EXOC6B: variants seen among roughly 807,000 people sequenced by gnomAD.
EXOC6B encodes the protein SEC15 homolog B.
EXOC6B carries 54 observed loss-of-function variants against 113.5 expected under a neutral mutation model. That is an observed-to-expected ratio of 0.48 (90% CI 0.38 to 0.60). The LOEUF is 0.60. Ranked by LOEUF, EXOC6B falls within the 20% of genes least tolerant of loss-of-function variation. The pLI is 0.00. For missense variants in EXOC6B, 797 were observed against 977.5 expected (o/e 0.82, Z 2.46); for synonymous variants, 357 against 339.0 (o/e 1.05, Z -0.58).
At position 72,177,158 on chromosome 2, in the gene EXOC6B, G is replaced by A. The variant is rs1677782358; in HGVS notation, c.*2177C>T. 6.6e-6 allele frequency: 1 copy of A among 152,176 alleles called. No individual in the cohort carries two copies. The highest frequency in any genetic ancestry group is 1.5e-5 in the Non-Finnish European group (1 of 68,036). The allele number at this position is 152,176 out of a possible 1,614,324, so 9.4% of individuals were successfully genotyped here. ...ATCTTTATGTCTTGAGCTTGAATAA[G>A]CTTTTCCTTTCATGGGACTTCTGTG... On this transcript the variant is annotated 3_prime_UTR_variant, in exon 22 of 22. Transcript: ENST00000272427.
chr2:72,186,332 C>A (rs1678433958), intron 20 of EXOC6B, among the ~76,000 whole-genome samples: 1 of 152,208 alleles, frequency 6.6e-6, no homozygotes, highest in African/African-American at 2.4e-5. Context: ...GTAGCATCAG[C>A]ATTTCTGTCC....
intron 1 of EXOC6B, among the ~76,000 whole-genome samples, chr2:72,749,555 A>G (rs902784515): frequency 5.9e-5 from 9 of 152,114 alleles, no homozygotes; most frequent in African/African-American, 2.2e-4. Context: ...AATGTTTGCC[A>G]TTAAAAAAAT....
At position 72,474,430 on chromosome 2, in the gene EXOC6B, G is replaced by A. The variant is rs145238004; in HGVS notation, c.1800+6186C>T. ...AAAATTTGGTCTCTTATGATGCCCCGTATGTAATAAAGGCTTTGCTCATTC... is the reference window on the plus strand; with the variant it reads ...AAAATTTGGTCTCTTATGATGCCCCATATGTAATAAAGGCTTTGCTCATTC... On this transcript the variant is annotated intron_variant, in intron 17 of 21. Coordinates refer to ENST00000272427, the MANE Select transcript of EXOC6B (RefSeq NM_015189.3). Among the ~76,000 whole-genome samples the A allele has an allele frequency of 2.4e-4, 37 of 151,886 alleles. No individual in the cohort carries two copies. The East Asian group carries it at 7.2e-3, about 29-fold the overall frequency.
chr2:72,705,811 G>C (rs965646204), intron 6 of EXOC6B, among the ~76,000 whole-genome samples: 2 of 152,118 alleles, frequency 1.3e-5, no homozygotes, highest in Non-Finnish European at 2.9e-5. Context: ...ACTTTTCTAT[G>C]TTTTGGGTTA....
At chr2:72,423,420 A>G (rs1037314492) in intron 18 of EXOC6B, among the ~76,000 whole-genome samples, 1 of 152,192 alleles carries the variant, frequency 6.6e-6, no homozygotes, top group African/African-American at 2.4e-5. Context: ...TGATTCATAT[A>G]TAAGATTTTA....
chr2:72,179,040 TG>T lies in EXOC6B; in HGVS notation c.*294del. The T allele has an allele frequency of 3.3e-6, 1 of 298,576 alleles. No homozygotes were observed. The highest frequency in any genetic ancestry group is 6.8e-5 in the East Asian group (1 of 14,662). The allele number at this position is 298,576 out of a possible 1,614,324, so 18.5% of individuals were successfully genotyped here. On this transcript the variant is annotated 3_prime_UTR_variant, in exon 22 of 22. Coordinates refer to ENST00000272427, the MANE Select transcript of EXOC6B (RefSeq NM_015189.3). ...GCCCCAGACCTAAGCTTTAGAGCCATGGATGAAAGGTGGTTCATCACTGTGG... is the reference window on the plus strand; with the variant it reads ...GCCCCAGACCTAAGCTTTAGAGCCATGATGAAAGGTGGTTCATCACTGTGG...
At position 72,379,850 on chromosome 2, in the gene EXOC6B, C is replaced by G; in HGVS notation, c.2001G>C (p.Ala667=). ...THLPGKVAQT[A]CMSACKHLAT... is the part of the protein sequence containing the mutation. ...CTAAATGCTTGCAAGCTGACATACA[C>G]GCTGTCTGGGCCACCTTTCCCTGAA... The change falls in exon 19 of 22, where the codon GCG becomes GCC. Residue 667 remains alanine, a synonymous_variant. Transcript: ENST00000272427. 6.2e-7 allele frequency: 1 copy of G among 1,611,516 alleles called. No homozygotes were observed. Among genetic ancestry groups the G allele is most frequent in the Non-Finnish European group, 8.5e-7 (1 of 1,178,806 alleles).
At chr2:72,211,704 T>C (rs1268435386) in intron 20 of EXOC6B, among the ~76,000 whole-genome samples, 1 of 152,200 alleles carries the variant, frequency 6.6e-6, no homozygotes, top group Non-Finnish European at 1.5e-5. Context: ...CCATGGTAAA[T>C]TTGATATGTG....
intron 1 of EXOC6B, among the ~76,000 whole-genome samples, chr2:72,768,440 C>T (rs961970003): frequency 4.0e-5 from 6 of 151,576 alleles, no homozygotes; most frequent in Non-Finnish European, 7.4e-5. Context: ...TACAGGCATG[C>T]GCTACCACCC....
At chr2:72,387,018 T>C (rs781350468) in intron 18 of EXOC6B, among the ~76,000 whole-genome samples, 5 of 152,176 alleles carry the variant, frequency 3.3e-5, no homozygotes, top group African/African-American at 4.8e-5. Context: ...AGCTATAGAT[T>C]TCTTATAGAT....
At chr2:72,480,376 G>A (rs527344745) in intron 17 of EXOC6B, among the ~76,000 whole-genome samples, 2 of 152,210 alleles carry the variant, frequency 1.3e-5, no homozygotes, top group South Asian at 4.2e-4. Context: ...AAAACATAAG[G>A]AAGGGTTTAG....
At chr2:72,794,691 AAGGAAT>A (rs1573808489) in intron 1 of EXOC6B, among the ~76,000 whole-genome samples, 1 of 152,240 alleles carries the variant, frequency 6.6e-6, no homozygotes, top group East Asian at 1.9e-4. Context: ...TGATAGAAAC[AAGGAAT>A]TCATAAACCT....
intron 6 of EXOC6B, among the ~76,000 whole-genome samples, chr2:72,662,767 G>A (rs932611116): frequency 2.0e-5 from 3 of 151,734 alleles, no homozygotes; most frequent in African/African-American, 7.3e-5. Context: ...TTGAGACGGA[G>A]TCTCACTTTC....
intron 6 of EXOC6B, among the ~76,000 whole-genome samples, chr2:72,676,139 A>AAAG (rs1362732570): frequency 2.0e-5 from 3 of 151,924 alleles, no homozygotes; most frequent in East Asian, 1.9e-4. Context: ...AAAAAAAAAA[A>AAAG]AAGAAGAAGA....
intron 20 of EXOC6B, among the ~76,000 whole-genome samples, chr2:72,321,257 C>T (rs1687827852): frequency 6.6e-6 from 1 of 152,112 alleles, no homozygotes; most frequent in African/African-American, 2.4e-5. Context: ...AACCTGTACA[C>T]AAATGTTTAT....
intron 20 of EXOC6B, among the ~76,000 whole-genome samples, chr2:72,300,376 C>T (rs1686434477): frequency 6.6e-6 from 1 of 152,204 alleles, no homozygotes; most frequent in African/African-American, 2.4e-5. Context: ...CCTACCTACA[C>T]CAAACTTGAG....
intron 6 of EXOC6B, among the ~76,000 whole-genome samples, chr2:72,655,438 A>G (rs967288444): frequency 3.3e-5 from 5 of 152,096 alleles, no homozygotes; most frequent in African/African-American, 1.2e-4. Flanking sequence ...CATTCTGAAG[A>G]GAAAAAAACA....
At chr2:72,405,160 T>A (rs1237618130) in intron 18 of EXOC6B, among the ~76,000 whole-genome samples, 3 of 151,980 alleles carry the variant, frequency 2.0e-5, no homozygotes, top group African/African-American at 7.3e-5. Flanking sequence ...GAAAAAAGAA[T>A]GAAAGGAAAT....
intron 20 of EXOC6B, among the ~76,000 whole-genome samples, chr2:72,206,839 T>C (rs567275436): frequency 1.1e-4 from 16 of 152,320 alleles, no homozygotes; most frequent in South Asian, 8.3e-4. Context: ...TTAGTATTTT[T>C]CCTCAAGATA....
Sources: gnomAD v4.1 joint callset for allele counts (sites outside exome capture counted in the v4.1 genomes callset) on GRCh38, gnomAD v4.1.1 for gene constraint, MANE v1.5 for transcripts, NCBI Gene and HGNC (gene_info 2026-07-23, HGNC 2026-07-21) for gene names.